The following RPTOR variants were observed in gnomAD, a reference collection of about 807,000 sequenced individuals.
The protein encoded by RPTOR is regulatory associated protein of MTOR complex 1, also known as regulatory-associated protein of mTOR.
In RPTOR, 21 loss-of-function variants were observed where a neutral mutation model predicts 169.9. The observed-to-expected ratio is 0.12, with a 90% CI of 0.09 to 0.18. The LOEUF (loss-of-function observed/expected upper bound fraction) is 0.18. RPTOR is among the 10% of genes least tolerant of loss of function. The pLI is 1.00. For synonymous variants in RPTOR, 732 were observed against 753.2 expected (o/e 0.97, Z 0.46); for missense variants, 1,133 against 1,855.9 (o/e 0.61, Z 7.16).
At chr17:80,551,284 AACAGAG>A (rs2084341241) in intron 1 of RPTOR, among the ~76,000 whole-genome samples, 3 of 152,256 alleles carry the variant, frequency 2.0e-5, no homozygotes, top group East Asian at 3.9e-4. Flanking sequence ...AAGAAAAAGA[AACAGAG>A]ACAAAGTATA....
intron 21 of RPTOR, among the ~76,000 whole-genome samples, chr17:80,914,932 T>C (rs2068655033): frequency 6.6e-6 from 1 of 152,230 alleles, no homozygotes; most frequent in African/African-American, 2.4e-5. Context: ...GAACTTTTAG[T>C]GCTTTTTCCA....
intron 7 of RPTOR, among the ~76,000 whole-genome samples, chr17:80,812,728 T>C (rs1188779270): frequency 1.3e-5 from 2 of 152,246 alleles, no homozygotes; most frequent in Non-Finnish European, 2.9e-5. Context: ...TTCCCGAACA[T>C]ACACACAGCC....
chr17:80,939,568 T>C (rs1328326876), intron 24 of RPTOR, among the ~76,000 whole-genome samples: 1 of 152,158 alleles, frequency 6.6e-6, no homozygotes, highest in Non-Finnish European at 1.5e-5. Context: ...GGCTTGCAGC[T>C]CAGCACCCTC....
intron 13 of RPTOR, among the ~76,000 whole-genome samples, chr17:80,859,026 C>A (rs1344638185): frequency 2.0e-5 from 3 of 151,952 alleles, no homozygotes; most frequent in African/African-American, 7.3e-5. Context: ...CAGAGGAGGT[C>A]GGGCTGCAGG....
At chr17:80,794,822 G>A (rs1567915069) in intron 7 of RPTOR, among the ~76,000 whole-genome samples, 1 of 152,244 alleles carries the variant, frequency 6.6e-6, no homozygotes, top group Non-Finnish European at 1.5e-5. Context: ...GTGGCGCATG[G>A]TCCGATTCCC....
chr17:80,890,595 A>G (rs2068309595), intron 17 of RPTOR, among the ~76,000 whole-genome samples: 3 of 152,226 alleles, frequency 2.0e-5, no homozygotes, highest in Admixed American at 2.0e-4. Flanking sequence ...AGAGACTTGC[A>G]GTTCCATCGG....
intron 7 of RPTOR, 110 bp from the exon 8 acceptor site, chr17:80,822,091 C>T: frequency 1.1e-6 from 1 of 929,798 alleles, no homozygotes; most frequent in South Asian, 1.3e-5. Flanking sequence ...GAGCCTTCCT[C>T]CCTCGCTCAG....
rs1567887206 is a variant in RPTOR at position 80,743,755 on chromosome 17, C to CTACTAGCACAGCCCTGGT, written c.655-10246_655-10245insAGCCCTGGTTACTAGCAC. 8.8e-5 allele frequency among the ~76,000 whole-genome samples: 11 copies of CTACTAGCACAGCCCTGGT among 125,348 alleles called. 1 individual carries two copies. Among genetic ancestry groups the CTACTAGCACAGCCCTGGT allele is most frequent in the African/African-American group, 1.5e-4 (4 of 26,212 alleles). The allele number at this position is 125,348 out of a possible 152,430, so 82.2% of individuals were successfully genotyped here. On this transcript the variant is annotated intron_variant, in intron 5 of 33. Coordinates refer to ENST00000306801, the MANE Select transcript of RPTOR (RefSeq NM_020761.3). ...GCCCTGGCTACTAGCAGAGCCCTGG[C>CTACTAGCACAGCCCTGGT]TACTAGCACTCTCCTGGTTACTAGC...
chr17:80,822,409 G>A, intron 8 of RPTOR, 108 bp downstream of exon 8: 1 of 1,094,470 alleles, frequency 9.1e-7, no homozygotes, highest in East Asian at 2.4e-5. Context: ...TGCCTCCCTA[G>A]TGAGGAAGAC....
At chr17:80,669,847 A>T (rs1223470883) in intron 3 of RPTOR, among the ~76,000 whole-genome samples, 3 of 151,872 alleles carry the variant, frequency 2.0e-5, no homozygotes, top group Non-Finnish European at 2.9e-5. Flanking sequence ...TCTGATACTT[A>T]TTCAAATAAT....
chr17:80,577,229 C>T (rs943179960), intron 1 of RPTOR, among the ~76,000 whole-genome samples: 4 of 152,028 alleles, frequency 2.6e-5, no homozygotes, highest in South Asian at 2.1e-4. Context: ...TGGGTTTCAC[C>T]GTGTTGGTCA....
intron 6 of RPTOR, among the ~76,000 whole-genome samples, chr17:80,767,170 C>T (rs1444124040): frequency 1.3e-5 from 2 of 152,096 alleles, no homozygotes; most frequent in Non-Finnish European, 2.9e-5. Context: ...CCCAGGAGTT[C>T]AAGACCAGCC....
intron 1 of RPTOR, among the ~76,000 whole-genome samples, chr17:80,568,842 C>A (rs941471158): frequency 2.0e-5 from 3 of 152,064 alleles, no homozygotes; most frequent in African/African-American, 7.2e-5. Flanking sequence ...CTAACATGCT[C>A]TTTATTTTAT....
chr17:80,923,391 C>T, intron 22 of RPTOR, 99 bp from the exon 23 acceptor site: 1 of 1,383,978 alleles, frequency 7.2e-7, no homozygotes, highest in Non-Finnish European at 1.0e-6. Flanking sequence ...CCTGGTGGCA[C>T]CTGGGAGGGT....
In RPTOR at chr17:80,684,440, ATTT is replaced by A. The variant is rs2065921012; in HGVS notation, c.349-23400_349-23398del. Among the ~76,000 whole-genome samples the A allele has an allele frequency of 3.7e-4, 44 of 119,556 alleles. No individual in the cohort carries two copies. In the South Asian group the frequency reaches 0.01, roughly 28 times the overall value. 78.4% of individuals were successfully genotyped at this position (119,556 alleles called of 152,430 possible). ...TATTTATTTATTTATTTATTTATTTATTTATTTATTTAATTTTTCTGGAGGCAT... is the reference window on the plus strand; with the variant it reads ...TATTTATTTATTTATTTATTTATTTAATTTATTTAATTTTTCTGGAGGCAT... On this transcript the variant is annotated intron_variant, in intron 3 of 33. Coordinates refer to ENST00000306801, the MANE Select transcript of RPTOR (RefSeq NM_020761.3).
chr17:80,805,806 T>C (rs1046650676), intron 7 of RPTOR, among the ~76,000 whole-genome samples: 3 of 152,298 alleles, frequency 2.0e-5, no homozygotes, highest in African/African-American at 7.2e-5. Flanking sequence ...TGGCCATTCC[T>C]GTCCATTGTT....
chr17:80,939,654 G>A lies in RPTOR; in HGVS notation c.2920-842G>A, dbSNP rs574740284. ...AAGGTCCCACACTCTCTCGGGGCCC[G>A]GCCTGGCCTCTCATGAGGCTGTCTT... is the stretch of plus-strand genomic sequence containing the variant. On this transcript the variant is annotated intron_variant, in intron 24 of 33. Coordinates refer to ENST00000306801, the MANE Select transcript of RPTOR (RefSeq NM_020761.3). 6.6e-5 allele frequency among the ~76,000 whole-genome samples: 10 copies of A among 152,252 alleles called. No homozygotes were observed. The East Asian group carries it at 1.4e-3, about 21-fold the overall frequency.
intron 10 of RPTOR, among the ~76,000 whole-genome samples, chr17:80,841,819 GCTCA>G (rs1325201016): frequency 7.5e-6 from 1 of 133,996 alleles, no homozygotes; most frequent in Non-Finnish European, 1.6e-5. Flanking sequence ...CCGCACGGCA[GCTCA>G]CTCTCACCGC....
At chr17:80,752,405 C>T (rs2143326556) in intron 5 of RPTOR, among the ~76,000 whole-genome samples, 1 of 152,362 alleles carries the variant, frequency 6.6e-6, no homozygotes, top group African/African-American at 2.4e-5. Context: ...GCTGCTGTGC[C>T]TCCCCCAGCT....
Sources: allele counts gnomAD v4.1 joint callset (sites outside exome capture counted in the v4.1 genomes callset), GRCh38; gene constraint gnomAD v4.1.1; transcripts MANE v1.5; gene names NCBI Gene and HGNC (gene_info 2026-07-23, HGNC 2026-07-21).